SVEP1: variants seen among roughly 807,000 people sequenced by gnomAD.
SVEP1 encodes the protein sushi, von Willebrand factor type A, EGF and pentraxin domain-containing protein 1.
A neutral mutation model predicts 367.3 loss-of-function variants in SVEP1; 164 were observed. The ratio of observed to expected loss-of-function variants is 0.45; its 90% confidence interval spans 0.39 to 0.51. The LOEUF (loss-of-function observed/expected upper bound fraction) is 0.51, where lower values mean the gene tolerates loss of function less well. SVEP1 is among the 20% of genes least tolerant of loss of function. The probability of loss-of-function intolerance (pLI) is 0.00; values close to 1 mark genes in which losing one functional copy is unlikely to be tolerated. For synonymous variants in SVEP1, 1,666 were observed against 1,611.6 expected, an observed-to-expected ratio of 1.03 and a Z score of -0.81; for missense variants, 4,117 against 4,425.3, an observed-to-expected ratio of 0.93 and a Z score of 1.98.
In SVEP1 at chr9:110,429,154, A is replaced by T; in HGVS notation, c.5796T>A (p.Asp1932Glu). 6.3e-7 allele frequency: 1 copy of T among 1,591,792 alleles called. No individual in the cohort carries two copies. The highest frequency in any genetic ancestry group is 1.1e-5 in the South Asian group (1 of 87,050). Residue 1932 changes from aspartate (D) to glutamate (E), a missense_variant, in exon 35 of 48, where the codon GAT becomes GAA. Asp to Glu is a conservative substitution (Grantham distance 45). Coordinates refer to ENST00000374469, the MANE Select transcript of SVEP1 (RefSeq NM_153366.4). ...TYLSTASYSC[D>E]TGYSLQGPSI... ...TCTACAAATGTTACCTGTATCCTGT[A>T]TCGCATGAATATGATGCAGTAGAAA...
chr9:110,461,065 G>A (rs540405990), intron 18 of SVEP1, among the ~76,000 whole-genome samples: 1 of 152,210 alleles, frequency 6.6e-6, no homozygotes, highest in Admixed American at 6.5e-5. Flanking sequence ...TGTCATTTGT[G>A]TTAGGCTTTT....
Position 110,472,329 on chromosome 9 carries a change from T to C in SVEP1, c.2600-6A>G. The C allele has an allele frequency of 6.4e-7, 1 of 1,568,786 alleles. No homozygotes were observed. The highest frequency in any genetic ancestry group is 8.6e-7 in the Non-Finnish European group (1 of 1,160,518). ...TGCACCCCAGCCACCTGGTCCTGGA[T>C]AGTCGGGGCAGAGACACAAATGATC... On this transcript the variant is annotated splice_polypyrimidine_tract_variant and splice_region_variant and intron_variant, in intron 14 of 47. Transcript: ENST00000374469.
chr9:110,520,822 TA>T (rs2118791684), intron 3 of SVEP1, among the ~76,000 whole-genome samples: 1 of 152,346 alleles, frequency 6.6e-6, no homozygotes, highest in African/African-American at 2.4e-5. Context: ...AATTCATCTT[TA>T]AAAGTTAACA....
chr9:110,435,272 C>T lies in SVEP1; in HGVS notation c.4857G>A (p.Val1619=). 2.5e-6 allele frequency: 4 copies of T among 1,613,466 alleles called. No homozygotes were observed. Among genetic ancestry groups the T allele is most frequent in the Non-Finnish European group, 3.4e-6 (4 of 1,179,498 alleles). ...AAAATATGCTCTTAGAATCGATCTT[C>T]ACTTTCCCCACAATTCCTGACAAGA... ...PDFLSGIVGK[V]KIDSKSIFCS... is the part of the protein sequence containing the mutation. The change falls in exon 29 of 48, where the codon GTG becomes GTA. Residue 1619 remains valine (V), a synonymous_variant. Transcript: ENST00000374469.
At position 110,408,645 on chromosome 9, in the gene SVEP1, T is replaced by C. The variant is rs1405807891; in HGVS notation, c.6955A>G (p.Met2319Val). 2 of 1,613,992 alleles carry C rather than the reference T, an allele frequency of 1.2e-6. No individual in the cohort carries two copies. Among genetic ancestry groups the C allele is most frequent in the Non-Finnish European group, 1.7e-6 (2 of 1,179,884 alleles). The change falls in exon 38 of 48, where the codon ATG (methionine) becomes GTG (valine). Residue 2319 changes from methionine (M) to valine (V), a missense_variant. Physicochemically the swap from Met to Val is conservative, Grantham distance 21. Around this residue, in one of 4 missense-constraint regions of SVEP1, gnomAD observed 1,765 missense variants for 1,781.1 expected, o/e 0.99. Coordinates refer to ENST00000374469, the MANE Select transcript of SVEP1 (RefSeq NM_153366.4). Reference protein sequence around the residue: ...KWNKKSNPKCMPAKCPEPPLL... With the variant: ...KWNKKSNPKCVPAKCPEPPLL... ...GGCGGCTCTGGGCACTTGGCAGGCATGCACTTTGGATTTGACTTCTTATTC... is the reference window on the plus strand; with the variant it reads ...GGCGGCTCTGGGCACTTGGCAGGCACGCACTTTGGATTTGACTTCTTATTC...
At chr9:110,569,313 G>A (rs935015798) in intron 1 of SVEP1, among the ~76,000 whole-genome samples, 1 of 151,824 alleles carries the variant, frequency 6.6e-6, no homozygotes, top group Non-Finnish European at 1.5e-5. Flanking sequence ...AAAATTAGCT[G>A]AGCATGGTGG....
At position 110,432,593 on chromosome 9, in the gene SVEP1, T is replaced by C; in HGVS notation, c.5102A>G (p.His1701Arg). Residue 1701 changes from histidine to arginine, a missense_variant, in exon 31 of 48, where the codon CAT becomes CGT. Transcript: ENST00000374469. The part of the protein sequence containing the change: ...GVPPPLENGF[H>R]SADDFYAGST... ...GCCAGCATAGAAGTCATCGGCTGAA[T>C]GGAAGCCATTCTCCAAAGGAGGTGG... 3 of 1,613,716 alleles carry C rather than the reference T, an allele frequency of 1.9e-6. No individual in the cohort carries two copies. Among genetic ancestry groups the C allele is most frequent in the Non-Finnish European group, 2.5e-6 (3 of 1,179,750 alleles).
At chr9:110,369,723 C>T in intron 47 of SVEP1, 200 bp downstream of exon 47, 1 of 551,658 alleles carries the variant, frequency 1.8e-6, no homozygotes, top group Non-Finnish European at 3.2e-6. Context: ...TTGAGATATT[C>T]TTGTTTTGTC....
At chr9:110,450,736 A>G (rs571083079) in intron 23 of SVEP1, among the ~76,000 whole-genome samples, 42 of 152,122 alleles carry the variant, frequency 2.8e-4, no homozygotes, top group Admixed American at 1.9e-3. Context: ...CGGCCTCCCA[A>G]AATGCTGGGA....
chr9:110,427,822 G>A (rs2118543784), intron 35 of SVEP1, 64 bp from the exon 36 acceptor site: 1 of 1,518,472 alleles, frequency 6.6e-7, no homozygotes. Flanking sequence ...AGATAAAACA[G>A]GAAGAACTCT....
intron 36 of SVEP1, among the ~76,000 whole-genome samples, chr9:110,412,066 G>A (rs1197246067): frequency 6.6e-6 from 1 of 152,146 alleles, no homozygotes; most frequent in Non-Finnish European, 1.5e-5. Flanking sequence ...TATTTGCTCA[G>A]AAAGGGAAAT....
intron 6 of SVEP1, 115 bp from the exon 7 acceptor site, chr9:110,499,353 C>T (rs905397575): frequency 7.6e-6 from 7 of 922,718 alleles, no homozygotes; most frequent in East Asian, 2.6e-5. Flanking sequence ...ACGTAAATTG[C>T]TAAATGATAA....
intron 8 of SVEP1, among the ~76,000 whole-genome samples, chr9:110,491,373 TTTTG>T: frequency 6.6e-6 from 1 of 152,106 alleles, no homozygotes; most frequent in Middle Eastern, 3.4e-3. Context: ...GAATGAAACA[TTTTG>T]TTTTTTAATC....
rs1334088671 is a variant in SVEP1 at position 110,411,472 on chromosome 9, G to A, written c.6239C>T (p.Ala2080Val). The change falls in exon 37 of 48, where the codon GCT becomes GTT. Residue 2080 changes from alanine (A) to valine (V), a missense_variant. Transcript: ENST00000374469. The stretch of plus-strand genomic sequence containing the variant: ...CGATGGAGGTTTTTCACAGAAATGA[G>A]CTATACAACGGGGCATGTCTTGACC... The part of the protein sequence containing the change: ...PEGQDMPRCI[A>V]HFCEKPPSVS... 2 of 1,613,936 alleles carry A rather than the reference G, an allele frequency of 1.2e-6. No homozygotes were observed. Among genetic ancestry groups the A allele is most frequent in the African/African-American group, 1.3e-5 (1 of 74,940 alleles).
intron 44 of SVEP1, among the ~76,000 whole-genome samples, chr9:110,379,121 C>T (rs1406253555): frequency 6.6e-6 from 1 of 152,102 alleles, no homozygotes; most frequent in Non-Finnish European, 1.5e-5. Flanking sequence ...TAGGGTGCCT[C>T]ATTACCTCTT....
At chr9:110,508,760 C>CAAA (rs11316319) in intron 5 of SVEP1, among the ~76,000 whole-genome samples, 842 of 75,804 alleles carry the variant, frequency 0.011, no homozygotes, top group Non-Finnish European at 0.012. Flanking sequence ...GACTCCATCT[C>CAAA]AAAAAAAAAA....
At chr9:110,428,556 G>T (rs1045586529) in intron 35 of SVEP1, among the ~76,000 whole-genome samples, 1 of 152,022 alleles carries the variant, frequency 6.6e-6, no homozygotes, top group African/African-American at 2.4e-5. Context: ...AGCATTTATC[G>T]GGTATTCTGT....
At chr9:110,497,037 T>C (rs868316131) in intron 7 of SVEP1, 104 bp from the exon 8 acceptor site, 3 of 670,260 alleles carry the variant, frequency 4.5e-6, no homozygotes, top group Middle Eastern at 4.0e-4. Flanking sequence ...TGTGACACAT[T>C]TGTACATCCC....
At chr9:110,546,439 G>T (rs922705662) in intron 2 of SVEP1, 148 bp from the exon 3 acceptor site, 2 of 918,262 alleles carry the variant, frequency 2.2e-6, no homozygotes, top group African/African-American at 1.7e-5. Context: ...ACCCAAATAC[G>T]AATGTGTGTT....
Sources: allele counts gnomAD v4.1 joint callset (sites outside exome capture counted in the v4.1 genomes callset), GRCh38; gene constraint gnomAD v4.1.1; regional missense constraint gnomAD v4.1.1; transcripts MANE v1.5; gene names NCBI Gene and HGNC (gene_info 2026-07-23, HGNC 2026-07-21).